The following ASAH1 variants were observed in gnomAD, a reference collection of about 807,000 sequenced individuals.
The protein encoded by ASAH1 is N-acylsphingosine amidohydrolase 1.
A neutral mutation model predicts 59.5 loss-of-function variants in ASAH1; 70 were observed. That is an observed-to-expected ratio of 1.18 (90% CI 0.97 to 1.43). The LOEUF (loss-of-function observed/expected upper bound fraction) is 1.43. Ranked by LOEUF, ASAH1 falls within the 40% of genes most tolerant of loss-of-function variation. The pLI is 0.00. For missense variants in ASAH1, 660 were observed against 482.5 expected (o/e 1.37, Z -3.45); for synonymous variants, 213 against 166.5 (o/e 1.28, Z -2.15).
At chr8:18,084,157 G>T, upstream of ASAH1, 1 of 1,559,188 alleles carries the variant, frequency 6.4e-7, no homozygotes, top group Non-Finnish European at 8.6e-7. Context: ...CGTGACCCGC[G>T]ACCTGGGACC....
intron 1 of ASAH1, chr8:18,075,889 T>C (rs1016342697): frequency 1.2e-5 from 5 of 422,448 alleles, no homozygotes; most frequent in Admixed American, 1.1e-4. Context: ...ATATTTATGT[T>C]AGAGAGGCTG....
chr8:18,084,110 C>G (rs756666529), upstream of ASAH1: 32 of 1,589,930 alleles, frequency 2.0e-5, no homozygotes, highest in Middle Eastern at 3.7e-4. Context: ...CAAAGAAGAG[C>G]CGGCTGGGCC....
chr8:18,067,143 A>ATAGCTAAGACATACAGCACCTGTGC, intron 5 of ASAH1, 77 bp downstream of exon 5: 1 of 1,321,248 alleles, frequency 7.6e-7, no homozygotes, highest in Non-Finnish European at 1.1e-6. Context: ...CCTGTGCTGT[A>ATAGCTAAGACATACAGCACCTGTGC]TGTATATCAC....
chr8:18,076,494 CAAAA>C (rs1564551028), intron 1 of ASAH1: 2 of 152,094 alleles, frequency 1.3e-5, no homozygotes, highest in African/African-American at 4.8e-5. Context: ...CTAAACTTAT[CAAAA>C]AAAGTCCACA....
At chr8:18,082,997 T>C (rs1800720633) in intron 1 of ASAH1, 2 of 152,242 alleles carry the variant, frequency 1.3e-5, no homozygotes, top group African/African-American at 2.4e-5. Context: ...GGATTCTACT[T>C]TTATCTGCTG....
intron 3 of ASAH1, 33 bp from the exon 4 acceptor site, chr8:18,069,911 A>T: frequency 2.1e-6 from 3 of 1,438,694 alleles, no homozygotes; most frequent in South Asian, 2.3e-5. Context: ...ACTAAAAGAC[A>T]TAATGAAATG....
At chr8:18,062,822 A>T in intron 7 of ASAH1, 1 of 371,518 alleles carries the variant, frequency 2.7e-6, no homozygotes, top group South Asian at 2.6e-5. Context: ...CTTATCATCA[A>T]TATAACACAA....
intron 3 of ASAH1, among the ~76,000 whole-genome samples, chr8:18,071,091 C>T (rs1032325878): frequency 1.3e-5 from 2 of 151,818 alleles, no homozygotes; most frequent in Non-Finnish European, 1.5e-5. Flanking sequence ...CCTGTAATTC[C>T]AGCTACTCGG....
At position 18,057,355 on chromosome 8, in the gene ASAH1, AT is replaced by A. The variant is rs1340048143; in HGVS notation, c.*178del. 2.3e-5 allele frequency: 10 copies of A among 436,784 alleles called. No homozygotes were observed. The Admixed American group carries it at 3.2e-4, about 14-fold the overall frequency. 27.1% of individuals were successfully genotyped at this position (436,784 alleles called of 1,614,324 possible). ...ATCTGTAAATAAGAAAAATCAACTGATAGGGGGAAAAAAAAAAGATCTGTCA... is the reference window on the plus strand; with the variant it reads ...ATCTGTAAATAAGAAAAATCAACTGAAGGGGGAAAAAAAAAAGATCTGTCA... On this transcript the variant is annotated 3_prime_UTR_variant, in exon 14 of 14. Coordinates refer to ENST00000637790, the MANE Select transcript of ASAH1 (RefSeq NM_177924.5).
intron 1 of ASAH1, among the ~76,000 whole-genome samples, chr8:18,079,143 T>A (rs1349981057): frequency 6.6e-6 from 1 of 151,836 alleles, no homozygotes; most frequent in Non-Finnish European, 1.5e-5. Context: ...CTGGGTGGCA[T>A]GTGCCTGTAA....
At chr8:18,073,191 T>A in intron 2 of ASAH1, 2 of 1,422,900 alleles carry the variant, frequency 1.4e-6, no homozygotes, top group Non-Finnish European at 2.0e-6. Flanking sequence ...TAAACAGTTT[T>A]CTAAAACATT....
chr8:18,079,995 G>C lies in ASAH1; in HGVS notation c.78+3986C>G, dbSNP rs906913660. 2.0e-5 allele frequency among the ~76,000 whole-genome samples: 3 copies of C among 152,222 alleles called. No homozygotes were observed. The South Asian group carries it at 6.2e-4, about 31-fold the overall frequency. On this transcript the variant is annotated intron_variant, in intron 1 of 13. Coordinates refer to ENST00000637790, the MANE Select transcript of ASAH1 (RefSeq NM_177924.5). ...GAGGAAGGACCTCATCTATCTCATTGGCTGACGCATTCCCAGCGTTTAGGA... is the reference window on the plus strand; with the variant it reads ...GAGGAAGGACCTCATCTATCTCATTCGCTGACGCATTCCCAGCGTTTAGGA...
intron 13 of ASAH1, chr8:18,058,345 A>G (rs1242487362): frequency 6.3e-6 from 1 of 158,504 alleles, no homozygotes; most frequent in Non-Finnish European, 1.4e-5. Flanking sequence ...AGGGGGGCAT[A>G]TTCAGAACGT....
intron 5 of ASAH1, chr8:18,066,423 A>AAAAAAAAAAAAAAAAACC (rs1799932093): frequency 1.2e-4 from 1 of 8,208 alleles, no homozygotes; most frequent in Non-Finnish European, 2.5e-4. Context: ...AAAGAAAACC[A>AAAAAAAAAAAAAAAAACC]AAAAAAAAAA....
chr8:18,061,563 G>A, intron 9 of ASAH1, 105 bp from the exon 10 acceptor site: 1 of 1,445,976 alleles, frequency 6.9e-7, no homozygotes, highest in South Asian at 1.1e-5. Context: ...AACCAGAAGA[G>A]GTTAGACTTT....
rs1588979116 is a variant in ASAH1, at chr8:18,062,567, ATT to A, written c.504-146_504-145del. 4.3e-6 allele frequency: 4 copies of A among 928,768 alleles called. No individual in the cohort carries two copies. In the East Asian group the frequency reaches 1.0e-4, roughly 24 times the overall value. The allele number at this position is 928,768 out of a possible 1,614,324, so 57.5% of individuals were successfully genotyped here. A position where few individuals can be genotyped will look rare whatever the true frequency, so the allele number is the denominator to read the frequency against. ...TAACAAGACCTTTACAATATGGTAT[ATT>A]TATTCTGTTTTCCAAATGATAAAAT... On this transcript the variant is annotated intron_variant, in intron 7 of 13. Coordinates refer to ENST00000637790, the MANE Select transcript of ASAH1 (RefSeq NM_177924.5).
chr8:18,072,537 T>C (rs1441918267), intron 2 of ASAH1, among the ~76,000 whole-genome samples: 1 of 152,184 alleles, frequency 6.6e-6, no homozygotes, highest in African/African-American at 2.4e-5. Flanking sequence ...GAAATGTACA[T>C]TTAAACAAAA....
intron 1 of ASAH1, among the ~76,000 whole-genome samples, chr8:18,077,327 G>T (rs933763522): frequency 1.3e-5 from 2 of 152,156 alleles, no homozygotes; most frequent in Admixed American, 1.3e-4. Flanking sequence ...CACAAGTTTT[G>T]TGAATTTGCT....
intron 4 of ASAH1, chr8:18,068,522 T>C (rs1564544163): frequency 6.6e-6 from 1 of 152,076 alleles, no homozygotes; most frequent in Non-Finnish European, 1.5e-5. Flanking sequence ...ACAAGTGTCA[T>C]AGGGAGGATG....
Sources: allele counts gnomAD v4.1 joint callset (sites outside exome capture counted in the v4.1 genomes callset), GRCh38; gene constraint gnomAD v4.1.1; transcripts MANE v1.5; gene names NCBI Gene and HGNC (gene_info 2026-07-23, HGNC 2026-07-21).